CFAP36: variants seen among roughly 807,000 people sequenced by gnomAD.
The protein encoded by CFAP36 is cilia and flagella associated protein 36.
In CFAP36, 37 loss-of-function variants were observed where a neutral mutation model predicts 50.5. The ratio of observed to expected loss-of-function variants is 0.73; its 90% confidence interval spans 0.56 to 0.96. The LOEUF (loss-of-function observed/expected upper bound fraction) is 0.96, where lower values mean the gene tolerates loss of function less well. CFAP36 is among the 50% of genes least tolerant of loss of function. The pLI, the probability that CFAP36 is intolerant of heterozygous loss-of-function variation, is 0.00. For missense variants in CFAP36, 407 were observed against 396.2 expected, an observed-to-expected ratio of 1.03 and a Z score of -0.23; for synonymous variants, 138 against 128.2, an observed-to-expected ratio of 1.08 and a Z score of -0.52.
intron 7 of CFAP36, among the ~76,000 whole-genome samples, chr2:55,540,356 TTTTCC>T: frequency 6.6e-6 from 1 of 152,342 alleles, no homozygotes; most frequent in Non-Finnish European, 1.5e-5. Context: ...CAGATGTCCA[TTTTCC>T]TTTCCTCACC....
chr2:55,527,882 CAT>C (rs1332903787), intron 3 of CFAP36, among the ~76,000 whole-genome samples: 2 of 151,810 alleles, frequency 1.3e-5, no homozygotes, highest in Non-Finnish European at 2.9e-5. Flanking sequence ...CTAAAAAACA[CAT>C]GTGGGCCAGG....
At chr2:55,531,364 G>T (rs1684346446) in intron 4 of CFAP36, 2 of 152,182 alleles carry the variant, frequency 1.3e-5, no homozygotes, top group South Asian at 4.2e-4. Context: ...GAATTTAATT[G>T]GAAACTCATT....
intron 5 of CFAP36, among the ~76,000 whole-genome samples, chr2:55,534,530 G>A (rs1449450567): frequency 1.3e-5 from 2 of 152,200 alleles, no homozygotes; most frequent in African/African-American, 2.4e-5. Context: ...GGTCCACACA[G>A]AACTAAGAAA....
At chr2:55,530,917 A>G (rs555790321) in intron 4 of CFAP36, 1 of 152,196 alleles carries the variant, frequency 6.6e-6, no homozygotes, top group Non-Finnish European at 1.5e-5. Context: ...GGAACATGCA[A>G]CAATAGGGCT....
chr2:55,520,276 GCTT>G (rs1684026116), intron 1 of CFAP36: 1 of 810,450 alleles, frequency 1.2e-6, no homozygotes, highest in East Asian at 2.9e-5. Flanking sequence ...GTTTGGCTGG[GCTT>G]CTTCAACAGC....
At chr2:55,527,383 G>C (rs942290503) in intron 3 of CFAP36, among the ~76,000 whole-genome samples, 8 of 151,900 alleles carry the variant, frequency 5.3e-5, no homozygotes, top group Admixed American at 3.9e-4. Flanking sequence ...AGGAGTTCGA[G>C]ACCAGCCTGG....
At position 55,533,875 on chromosome 2, in the gene CFAP36, G is replaced by GT. The variant is rs1480830667; in HGVS notation, c.401dup (p.Leu135IlefsTer3). ...ATGTGGTCTTTGGTTTTGAACAGGT[G>GT]TATTACCTGACTGCTTAACCGATGG... On this transcript the variant is annotated frameshift_variant, in exon 5 of 10. Coordinates refer to ENST00000349456, the MANE Select transcript of CFAP36 (RefSeq NM_080667.7). LOFTEE classifies it high-confidence loss of function. The GT allele has an allele frequency of 6.2e-7, 1 of 1,604,502 alleles. No individual in the cohort carries two copies. Among genetic ancestry groups the GT allele is most frequent in the African/African-American group, 1.3e-5 (1 of 74,602 alleles).
At chr2:55,537,085 C>A (rs993779530) in intron 6 of CFAP36, among the ~76,000 whole-genome samples, 1 of 152,124 alleles carries the variant, frequency 6.6e-6, no homozygotes, top group African/African-American at 2.4e-5. Context: ...TTTATACTTT[C>A]TTTTAAAGAG....
intron 3 of CFAP36, among the ~76,000 whole-genome samples, chr2:55,524,823 C>T (rs1464571145): frequency 6.6e-6 from 1 of 151,238 alleles, no homozygotes; most frequent in Admixed American, 6.6e-5. Flanking sequence ...CTCTACTAAA[C>T]ATACAAAATT....
At chr2:55,540,830 G>T (rs1301146305) in intron 7 of CFAP36, among the ~76,000 whole-genome samples, 1 of 151,542 alleles carries the variant, frequency 6.6e-6, no homozygotes, top group Non-Finnish European at 1.5e-5. Context: ...GGGCAATTTG[G>T]CGAAACCCTG....
chr2:55,543,920 T>C lies in CFAP36; in HGVS notation c.641-18T>C, dbSNP rs536189267. The stretch of plus-strand genomic sequence containing the variant: ...TCTCATAATATTCTAATTGCTCTTA[T>C]TGTCTACTTATTGCCAGAAGTTAAA... On this transcript the variant is annotated intron_variant, in intron 7 of 9. Coordinates refer to ENST00000349456, the MANE Select transcript of CFAP36 (RefSeq NM_080667.7). 1.4e-5 allele frequency: 22 copies of C among 1,601,044 alleles called. No individual in the cohort carries two copies. In the Admixed American group the frequency reaches 3.4e-4, roughly 25 times the overall value.
chr2:55,519,945 C>A (rs754313691), intron 1 of CFAP36, 29 bp downstream of exon 1: 3 of 1,599,788 alleles, frequency 1.9e-6, no homozygotes, highest in South Asian at 2.2e-5. Context: ...ACCGACAATC[C>A]TTTTCTCCTC....
intron 1 of CFAP36, chr2:55,520,601 C>T (rs1054253303): frequency 3.0e-6 from 2 of 668,604 alleles, no homozygotes; most frequent in African/African-American, 3.8e-5. Context: ...TCTCCGGGTT[C>T]TGAGCAGTTC....
intron 1 of CFAP36, chr2:55,520,514 G>C (rs1182043833): frequency 2.0e-5 from 30 of 1,495,896 alleles, no homozygotes; most frequent in Non-Finnish European, 2.2e-5. Context: ...CCAAAAATTG[G>C]CGAGGTGGGG....
At chr2:55,528,759 A>T (rs1199566403) in intron 3 of CFAP36, 119 bp from the exon 4 acceptor site, 1 of 600,426 alleles carries the variant, frequency 1.7e-6, no homozygotes, top group Non-Finnish European at 2.9e-6. Flanking sequence ...ACATCTAATC[A>T]TAAATAACAA....
chr2:55,529,377 G>A (rs545860951), intron 4 of CFAP36, among the ~76,000 whole-genome samples: 11 of 151,524 alleles, frequency 7.3e-5, no homozygotes, highest in East Asian at 2.0e-4. Flanking sequence ...AGCTGAGATC[G>A]CGCCACTGCA....
chr2:55,536,055 G>T, intron 6 of CFAP36: 1 of 404,104 alleles, frequency 2.5e-6, no homozygotes, highest in East Asian at 4.5e-5. Flanking sequence ...ATTTTTTTTG[G>T]CAAGTTTAAG....
intron 1 of CFAP36, among the ~76,000 whole-genome samples, chr2:55,521,737 C>T (rs983277503): frequency 1.3e-4 from 20 of 151,464 alleles, no homozygotes; most frequent in African/African-American, 4.4e-4. Context: ...TCAAGCAATT[C>T]TCTTGCCTCA....
rs1443302250 is a variant in CFAP36 at position 55,522,136 on chromosome 2, T to A, written c.150T>A (p.Tyr50Ter). The A allele has an allele frequency of 6.5e-7, 1 of 1,540,420 alleles. No individual in the cohort carries two copies. The highest frequency in any genetic ancestry group is 8.9e-7 in the Non-Finnish European group (1 of 1,127,982). Residue 50 changes from tyrosine (Y) to a stop codon, truncating the protein, a stop_gained, in exon 2 of 10, where the codon TAT becomes TAA. Transcript: ENST00000349456. LOFTEE classifies it high-confidence loss of function. ...ATGAAGAAGAAAGCAAATTGACCTA[T>A]ACAGAGATTCATCAGGAATACAAAG... ...FDDEEESKLTYTEIHQEYKEL... is the reference protein window; with the variant it reads ...FDDEEESKLT
Sources: gnomAD v4.1 joint callset for allele counts (sites outside exome capture counted in the v4.1 genomes callset) on GRCh38, gnomAD v4.1.1 for gene constraint, MANE v1.5 for transcripts, NCBI Gene and HGNC (gene_info 2026-07-23, HGNC 2026-07-21) for gene names.